EGLN3: variants seen among roughly 807,000 people sequenced by gnomAD.
EGLN3 encodes prolyl hydroxylase EGLN3.
EGLN3 carries 15 observed loss-of-function variants against 26.0 expected under a neutral mutation model. The ratio of observed to expected loss-of-function variants is 0.58; its 90% confidence interval spans 0.39 to 0.89. The LOEUF (loss-of-function observed/expected upper bound fraction) is 0.89, where lower values mean the gene tolerates loss of function less well. EGLN3 is among the 40% of genes least tolerant of loss of function. The pLI is 0.00. For synonymous variants in EGLN3, 147 were observed against 127.2 expected, an observed-to-expected ratio of 1.16 and a Z score of -1.05; for missense variants, 238 against 311.6, an observed-to-expected ratio of 0.76 and a Z score of 1.78.
At chr14:33,950,066 T>C in intron 1 of EGLN3, 1 of 584,814 alleles carries the variant, frequency 1.7e-6, no homozygotes. Context: ...GTGTTTCCAA[T>C]ACCCTTTCCC....
In EGLN3 at chr14:33,925,294, G is replaced by C. The variant is rs1002262435; in HGVS notation, c.*597C>G. 1 of 152,152 alleles carries C rather than the reference G, an allele frequency of 6.6e-6. No individual in the cohort carries two copies. Among genetic ancestry groups the C allele is most frequent in the Non-Finnish European group, 1.5e-5 (1 of 68,030 alleles). The allele number at this position is 152,152 out of a possible 1,614,324, so 9.4% of individuals were successfully genotyped here. A position where few individuals can be genotyped will look rare whatever the true frequency, so the allele number is the denominator to read the frequency against. ...CAGAAAATCCAGGTTGCAGGACTGG[G>C]AAAAAAGGAGTGTCTGCCCCATGGG... On this transcript the variant is annotated 3_prime_UTR_variant, in exon 5 of 5. Transcript: ENST00000250457.
chr14:33,939,402 G>GGGTTT (rs1206065496), intron 1 of EGLN3, among the ~76,000 whole-genome samples: 1 of 152,090 alleles, frequency 6.6e-6, no homozygotes, highest in East Asian at 1.9e-4. Flanking sequence ...AGTAGAGACT[G>GGGTTT]GGTTTCACTT....
chr14:33,944,332 G>A (rs764075299), intron 1 of EGLN3, among the ~76,000 whole-genome samples: 1 of 152,096 alleles, frequency 6.6e-6, no homozygotes, highest in Non-Finnish European at 1.5e-5. Flanking sequence ...ATGTTGGCCA[G>A]GCTGGTCTCA....
Position 33,950,587 on chromosome 14 carries a change from G to C in EGLN3, c.166C>G (p.Leu56Val). ...RVKQLHCTGALRDGQLAGPRA... is the reference protein window; with the variant it reads ...RVKQLHCTGAVRDGQLAGPRA... ...GGCCCCGCCAGCTGGCCGTCCCGCAGGGCCCCGGTGCAGTGCAGCTGCTTG... is the reference window on the plus strand; with the variant it reads ...GGCCCCGCCAGCTGGCCGTCCCGCACGGCCCCGGTGCAGTGCAGCTGCTTG... The change falls in exon 1 of 5, where the codon CTG becomes GTG. Residue 56 changes from leucine to valine, a missense_variant. By Grantham distance (32) the Leu-to-Val change is conservative. Transcript: ENST00000250457. 1 of 1,612,484 alleles carries C rather than the reference G, an allele frequency of 6.2e-7. No individual in the cohort carries two copies. The highest frequency in any genetic ancestry group is 8.5e-7 in the Non-Finnish European group (1 of 1,179,234).
At position 33,942,830 on chromosome 14, in the gene EGLN3, C is replaced by G. The variant is rs577925391; in HGVS notation, c.357+7566G>C. On this transcript the variant is annotated intron_variant, in intron 1 of 4. Transcript: ENST00000250457. ...TAAGATAGGCACATGTACTCCAGAA[C>G]TTGAGAATCATTGTACCTTCTAAAG... Among the ~76,000 whole-genome samples the G allele has an allele frequency of 1.1e-3, 173 of 152,302 alleles. 2 individuals are homozygous for G. The South Asian group carries it at 0.02, about 18-fold the overall frequency.
chr14:33,947,072 C>G (rs527551960), intron 1 of EGLN3, among the ~76,000 whole-genome samples: 35 of 152,326 alleles, frequency 2.3e-4, no homozygotes, highest in African/African-American at 2.4e-4. Context: ...ATTAGAGTCA[C>G]TAACTAGTGA....
At chr14:33,926,411 A>T (rs1332757922) in intron 4 of EGLN3, among the ~76,000 whole-genome samples, 2 of 152,350 alleles carry the variant, frequency 1.3e-5, no homozygotes, top group South Asian at 2.1e-4. Context: ...GGCATACAGC[A>T]TGCAACATTT....
chr14:33,950,548 A>C lies in EGLN3; in HGVS notation c.205T>G (p.Ser69Ala). Residue 69 changes from serine (S) to alanine (A), a missense_variant, in exon 1 of 5, where the codon TCC (serine) becomes GCC (alanine). Ser to Ala is a moderately conservative substitution (Grantham distance 99). Coordinates refer to ENST00000250457, the MANE Select transcript of EGLN3 (RefSeq NM_022073.4). ...TGGTCGCCCCGCAGGTGTCGCTTGG[A>C]GACGCCGGCGCGCGGCCCCGCCAGC... The part of the protein sequence containing the change: ...GQLAGPRAGV[S>A]KRHLRGDQIT... The C allele has an allele frequency of 1.2e-6, 2 of 1,612,378 alleles. No homozygotes were observed. Among genetic ancestry groups the C allele is most frequent in the Non-Finnish European group, 1.7e-6 (2 of 1,179,288 alleles).
chr14:33,950,295 A>G, intron 1 of EGLN3, 101 bp downstream of exon 1: 1 of 1,164,692 alleles, frequency 8.6e-7, no homozygotes, highest in South Asian at 1.2e-5. Context: ...TGGTTAAAAA[A>G]CAAAGTTCGC....
Position 33,926,987 on chromosome 14 carries a change from C to G in EGLN3, c.661G>C (p.Ala221Pro). The change falls in exon 4 of 5, where the codon GCC becomes CCC. Residue 221 changes from alanine to proline, a missense_variant. Physicochemically the swap from Ala to Pro is conservative, Grantham distance 27. Coordinates refer to ENST00000250457, the MANE Select transcript of EGLN3 (RefSeq NM_022073.4). ...WYFDAEERAE[A>P]KKKFRNLTRK... Reference sequence around the variant, plus strand: ...GTTAAATTCCTGAATTTCTTTTTGGCTTCTGCCCTTTCTTCAGCATCAAAG... The same window carrying G: ...GTTAAATTCCTGAATTTCTTTTTGGGTTCTGCCCTTTCTTCAGCATCAAAG... 6.2e-7 allele frequency: 1 copy of G among 1,607,354 alleles called. No individual in the cohort carries two copies. The highest frequency in any genetic ancestry group is 2.3e-5 in the East Asian group (1 of 44,444).
intron 1 of EGLN3, among the ~76,000 whole-genome samples, chr14:33,941,206 A>G (rs1205880024): frequency 6.6e-6 from 1 of 152,154 alleles, no homozygotes; most frequent in African/African-American, 2.4e-5. Context: ...TTAAGTTCAA[A>G]AATGAAAACA....
chr14:33,946,861 C>T (rs935290096), intron 1 of EGLN3, among the ~76,000 whole-genome samples: 1 of 152,244 alleles, frequency 6.6e-6, no homozygotes, highest in Non-Finnish European at 1.5e-5. Context: ...CCTAAAGCCA[C>T]GAAGTTAGTT....
At chr14:33,941,634 G>A (rs947177056) in intron 1 of EGLN3, among the ~76,000 whole-genome samples, 1 of 151,022 alleles carries the variant, frequency 6.6e-6, no homozygotes. Flanking sequence ...ATGAAATTAA[G>A]CCAACAAGCA....
intron 1 of EGLN3, 93 bp downstream of exon 1, chr14:33,950,303 C>T: frequency 8.2e-7 from 1 of 1,219,738 alleles, no homozygotes; most frequent in Non-Finnish European, 1.2e-6. Flanking sequence ...AAACAAAGTT[C>T]GCTTACGGCC....
At chr14:33,940,464 A>G (rs1025516951) in intron 1 of EGLN3, among the ~76,000 whole-genome samples, 2 of 152,110 alleles carry the variant, frequency 1.3e-5, no homozygotes, top group Admixed American at 1.3e-4. Context: ...GGGAAACTGT[A>G]GGAAGATACG....
Position 33,924,498 on chromosome 14 carries a change from A to G in EGLN3, c.*1393T>C, listed in dbSNP as rs2064346914. On this transcript the variant is annotated 3_prime_UTR_variant, in exon 5 of 5. Coordinates refer to ENST00000250457, the MANE Select transcript of EGLN3 (RefSeq NM_022073.4). ...ACATGTCTTATCTGGAAATTTTCCA[A>G]AACCAGAAGAGGAAAAAGTAAACTT... The G allele has an allele frequency of 6.6e-6, 1 of 152,076 alleles. No homozygotes were observed. Among genetic ancestry groups the G allele is most frequent in the Admixed American group, 6.6e-5 (1 of 15,230 alleles). The allele number at this position is 152,076 out of a possible 1,614,324, so 9.4% of individuals were successfully genotyped here. A position where few individuals can be genotyped will look rare whatever the true frequency, so the allele number is the denominator to read the frequency against.
chr14:33,945,867 A>C (rs2064514122), intron 1 of EGLN3, among the ~76,000 whole-genome samples: 1 of 152,198 alleles, frequency 6.6e-6, no homozygotes, highest in African/African-American at 2.4e-5. Context: ...GGTGGGCCAA[A>C]ACTGTTATTG....
At chr14:33,946,946 T>G (rs1250205822) in intron 1 of EGLN3, among the ~76,000 whole-genome samples, 2 of 152,232 alleles carry the variant, frequency 1.3e-5, no homozygotes, top group East Asian at 3.8e-4. Context: ...GGCACAGTAT[T>G]TAATCACTCA....
At position 33,950,571 on chromosome 14, in the gene EGLN3, A is replaced by G; in HGVS notation, c.182T>C (p.Leu61Pro). 1.2e-6 allele frequency: 2 copies of G among 1,611,880 alleles called. No homozygotes were observed. The highest frequency in any genetic ancestry group is 1.7e-6 in the Non-Finnish European group (2 of 1,179,046). Residue 61 changes from leucine to proline, a missense_variant, in exon 1 of 5, where the codon CTG (leucine) becomes CCG (proline). Leu to Pro is a moderately conservative substitution (Grantham distance 98). Coordinates refer to ENST00000250457, the MANE Select transcript of EGLN3 (RefSeq NM_022073.4). The part of the protein sequence containing the change: ...HCTGALRDGQ[L>P]AGPRAGVSKR... ...GGAGACGCCGGCGCGCGGCCCCGCC[A>G]GCTGGCCGTCCCGCAGGGCCCCGGT...
Sources: allele counts gnomAD v4.1 joint callset (sites outside exome capture counted in the v4.1 genomes callset), GRCh38; gene constraint gnomAD v4.1.1; transcripts MANE v1.5; gene names NCBI Gene and HGNC (gene_info 2026-07-23, HGNC 2026-07-21).